The following TET2 variants were observed in gnomAD, a reference collection of about 807,000 sequenced individuals.
TET2 encodes the protein tet methylcytosine dioxygenase 2, also known as methylcytosine dioxygenase TET2.
In TET2, 299 loss-of-function variants were observed where a neutral mutation model predicts 142.9. That is an observed-to-expected ratio of 2.09 (90% CI 1.90 to 2.30). The LOEUF (loss-of-function observed/expected upper bound fraction) is 2.30. Ranked by LOEUF, TET2 falls within the 30% of genes most tolerant of loss-of-function variation. The pLI is 0.00. For missense variants in TET2, 2,418 were observed against 2,378.0 expected (o/e 1.02, Z -0.35); for synonymous variants, 819 against 849.0 (o/e 0.96, Z 0.61).
chr4:105,269,703 C>T lies in TET2; in HGVS notation c.4138C>T (p.His1380Tyr), dbSNP rs577810844. Residue 1380 changes from histidine (H) to tyrosine (Y), a missense_variant, in exon 9 of 11, where the codon CAT (histidine) becomes TAT (tyrosine). Coordinates refer to ENST00000380013, the MANE Select transcript of TET2 (RefSeq NM_001127208.3). ...CACTGCATGTTTGGACTTCTGTGCT[C>T]ATGCCCACAGAGACTTGCACAACAT... Reference protein sequence around the residue: ...GVTACLDFCAHAHRDLHNMQN... With the variant: ...GVTACLDFCAYAHRDLHNMQN... 21 of 1,551,594 alleles carry T rather than the reference C, an allele frequency of 1.4e-5. No individual in the cohort carries two copies. The highest frequency in any genetic ancestry group is 1.5e-5 in the Non-Finnish European group (17 of 1,146,900).
rs570834774 is a variant in TET2 at position 105,254,963 on chromosome 4, T to G, written c.3804-4656T>G. ...CAGATTTTCCTATCCCAACACTGGT[T>G]CCTACAGAGGTTTCTGCTCCAGTAA... On this transcript the variant is annotated intron_variant, in intron 6 of 10. Coordinates refer to ENST00000380013, the MANE Select transcript of TET2 (RefSeq NM_001127208.3). Among the ~76,000 whole-genome samples, 94 of 152,346 alleles carry G rather than the reference T, an allele frequency of 6.2e-4. 1 individual carries two copies. In the South Asian group the frequency reaches 0.019, roughly 30 times the overall value.
At chr4:105,241,527 A>G in intron 4 of TET2, 98 bp downstream of exon 4, 1 of 1,475,324 alleles carries the variant, frequency 6.8e-7, no homozygotes, top group Non-Finnish European at 9.0e-7. Flanking sequence ...ACAATTGTAA[A>G]TTGAGTAATT....
At chr4:105,267,128 T>G (rs1334589063) in intron 8 of TET2, among the ~76,000 whole-genome samples, 1 of 151,818 alleles carries the variant, frequency 6.6e-6, no homozygotes, top group African/African-American at 2.4e-5. Context: ...CCCAGAAATA[T>G]ATAACCAATG....
In TET2 at chr4:105,236,946, A is replaced by G; in HGVS notation, c.3004A>G (p.Thr1002Ala). The G allele has an allele frequency of 6.2e-7, 1 of 1,614,148 alleles. No individual in the cohort carries two copies. Among genetic ancestry groups the G allele is most frequent in the Non-Finnish European group, 8.5e-7 (1 of 1,180,024 alleles). The change falls in exon 3 of 11, where the codon ACA becomes GCA. Residue 1002 changes from threonine to alanine, a missense_variant. By Grantham distance (58) the Thr-to-Ala change is moderately conservative. Transcript: ENST00000380013. ...GCACACAGCACCACCAGAAAACAAA[A>G]CATGGAAAAAGGTAACTAAGCAAGA... ...CMHTAPPENK[T>A]WKKVTKQENP...
chr4:105,234,400 C>CT lies in TET2; in HGVS notation c.459dup (p.Val154CysfsTer8). 6.2e-7 allele frequency: 1 copy of CT among 1,614,030 alleles called. No individual in the cohort carries two copies. Among genetic ancestry groups the CT allele is most frequent in the Non-Finnish European group, 8.5e-7 (1 of 1,179,998 alleles). On this transcript the variant is annotated frameshift_variant, in exon 3 of 11. Transcript: ENST00000380013. LOFTEE classifies it high-confidence loss of function. Reference sequence around the variant, plus strand: ...AGTGATAAGAAAGAATCTGTGAGTTCTGTAGCCCAAGAAAATGCAGTTAAA... The same window carrying CT: ...AGTGATAAGAAAGAATCTGTGAGTTCTTGTAGCCCAAGAAAATGCAGTTAAA...
Position 105,259,464 on chromosome 4 carries a change from T to C in TET2, c.3804-155T>C, listed in dbSNP as rs558252562. On this transcript the variant is annotated intron_variant, in intron 6 of 10. Coordinates refer to ENST00000380013, the MANE Select transcript of TET2 (RefSeq NM_001127208.3). ...TGCAATAAAATTGTTTAAAAGTCAA[T>C]TGAAATAGTTCTGTGTGTGGTTATG... Among the ~76,000 whole-genome samples, 12 of 152,310 alleles carry C rather than the reference T, an allele frequency of 7.9e-5. No homozygotes were observed. The South Asian group carries it at 2.5e-3, about 32-fold the overall frequency.
In TET2 at chr4:105,235,504, G is replaced by C. The variant is rs765006851; in HGVS notation, c.1562G>C (p.Ser521Thr). 1 of 1,614,052 alleles carries C rather than the reference G, an allele frequency of 6.2e-7. No individual in the cohort carries two copies. Among genetic ancestry groups the C allele is most frequent in the East Asian group, 2.2e-5 (1 of 44,892 alleles). ...AAGCATAACCCACCAATTTTTGGTA[G>C]CAGTGGAGAGCTACAGGACAACTGC... ...HLKHNPPIFG[S>T]SGELQDNCQQ... Residue 521 changes from serine to threonine, a missense_variant, in exon 3 of 11, where the codon AGC becomes ACC. Physicochemically the swap from Ser to Thr is moderately conservative, Grantham distance 58. Coordinates refer to ENST00000380013, the MANE Select transcript of TET2 (RefSeq NM_001127208.3).
chr4:105,185,284 G>A (rs1725362314), intron 1 of TET2, among the ~76,000 whole-genome samples: 1 of 151,896 alleles, frequency 6.6e-6, no homozygotes, highest in Non-Finnish European at 1.5e-5. Context: ...CTACAAGCTT[G>A]TGGAGGCCAT....
chr4:105,258,548 T>A (rs1730257575), intron 6 of TET2, among the ~76,000 whole-genome samples: 1 of 152,170 alleles, frequency 6.6e-6, no homozygotes, highest in African/African-American at 2.4e-5. Flanking sequence ...TAGGCTTTTT[T>A]AATGGGCAAA....
chr4:105,171,232 A>G (rs1373653130), intron 1 of TET2: 1 of 152,160 alleles, frequency 6.6e-6, no homozygotes, highest in Non-Finnish European at 1.5e-5. Context: ...TGCCTGGCAC[A>G]TTATAAGCCT....
At position 105,275,596 on chromosome 4, in the gene TET2, T is replaced by C; in HGVS notation, c.5086T>C (p.Tyr1696His). Reference protein sequence around the residue: ...SQSFTSKYLGYGNQNMQGDGF... With the variant: ...SQSFTSKYLGHGNQNMQGDGF... ...GAGTTTTACATCTAAATACTTAGGT[T>C]ATGGAAACCAAAATATGCAGGGAGA... The change falls in exon 11 of 11, where the codon TAT (tyrosine) becomes CAT (histidine). Residue 1696 changes from tyrosine to histidine, a missense_variant. By Grantham distance (83) the Tyr-to-His change is moderately conservative. Coordinates refer to ENST00000380013, the MANE Select transcript of TET2 (RefSeq NM_001127208.3). 1 of 1,551,794 alleles carries C rather than the reference T, an allele frequency of 6.4e-7. No homozygotes were observed. The highest frequency in any genetic ancestry group is 2.4e-5 in the East Asian group (1 of 40,920).
chr4:105,261,949 C>G, intron 8 of TET2, 101 bp downstream of exon 8: 1 of 723,102 alleles, frequency 1.4e-6, no homozygotes. Flanking sequence ...AAATATTATT[C>G]TAACTTTTCC....
chr4:105,152,192 G>A (rs1157836381), intron 1 of TET2, among the ~76,000 whole-genome samples: 1 of 152,148 alleles, frequency 6.6e-6, no homozygotes, highest in Non-Finnish European at 1.5e-5. Context: ...CAGGAGAATT[G>A]CTTGAACCCT....
chr4:105,187,389 T>C (rs1205586635), intron 1 of TET2, among the ~76,000 whole-genome samples: 1 of 152,180 alleles, frequency 6.6e-6, no homozygotes, highest in Non-Finnish European at 1.5e-5. Flanking sequence ...ATCTTAATAA[T>C]GTTTCTTTGA....
At chr4:105,266,720 A>C (rs1029068036) in intron 8 of TET2, among the ~76,000 whole-genome samples, 3 of 152,084 alleles carry the variant, frequency 2.0e-5, no homozygotes, top group Non-Finnish European at 4.4e-5. Context: ...TATAAAGAAA[A>C]AACTGAAAAA....
intron 6 of TET2, among the ~76,000 whole-genome samples, chr4:105,244,597 T>C (rs1013324521): frequency 1.7e-4 from 20 of 117,002 alleles, no homozygotes; most frequent in Admixed American, 4.0e-4. Flanking sequence ...TTTTTTTTTT[T>C]TTTTTTTTTT....
intron 2 of TET2, among the ~76,000 whole-genome samples, chr4:105,226,728 T>G: frequency 6.6e-6 from 1 of 152,090 alleles, no homozygotes; most frequent in Non-Finnish European, 1.5e-5. Flanking sequence ...ATTATAAGTT[T>G]TGTAAGGCCT....
At chr4:105,228,841 A>G (rs1257765575) in intron 2 of TET2, among the ~76,000 whole-genome samples, 3 of 152,164 alleles carry the variant, frequency 2.0e-5, no homozygotes, top group Non-Finnish European at 4.4e-5. Flanking sequence ...GAAGCCTCTC[A>G]TATCAAAGAC....
chr4:105,176,371 A>C (rs1234095420), intron 1 of TET2, among the ~76,000 whole-genome samples: 1 of 152,180 alleles, frequency 6.6e-6, no homozygotes, highest in African/African-American at 2.4e-5. Context: ...CACGGATGAC[A>C]GTTGTTTATA....
Sources: gnomAD v4.1 joint callset for allele counts (sites outside exome capture counted in the v4.1 genomes callset) on GRCh38, gnomAD v4.1.1 for gene constraint, MANE v1.5 for transcripts, NCBI Gene and HGNC (gene_info 2026-07-23, HGNC 2026-07-21) for gene names.